The following LRRK2 variants were observed in gnomAD, a reference collection of about 807,000 sequenced individuals.
LRRK2 encodes the protein leucine-rich repeat serine/threonine-protein kinase 2.
In LRRK2, 203 loss-of-function variants were observed where a neutral mutation model predicts 302.6. The observed-to-expected ratio is 0.67, with a 90% CI of 0.60 to 0.75. The LOEUF (loss-of-function observed/expected upper bound fraction) is 0.75. Among genes scored for constraint, LRRK2 ranks in the 30% least tolerant of loss-of-function variants. LRRK2 has a pLI of 0.00. For synonymous variants in LRRK2, 1,066 were observed against 1,031.9 expected, an observed-to-expected ratio of 1.03 and a Z score of -0.63; for missense variants, 2,830 against 2,951.0, an observed-to-expected ratio of 0.96 and a Z score of 0.95.
chr12:40,322,566 G>A (rs1945436295), intron 37 of LRRK2, 56 bp downstream of exon 37: 3 of 1,471,774 alleles, frequency 2.0e-6, no homozygotes, highest in South Asian at 2.3e-5. Context: ...TACTTATGAA[G>A]TGACTTTTAA....
intron 27 of LRRK2, chr12:40,304,995 A>C (rs1322351228): frequency 2.0e-5 from 3 of 152,122 alleles, no homozygotes; most frequent in Non-Finnish European, 4.4e-5. Context: ...ACTGGCCTGT[A>C]TACTGTATTA....
At chr12:40,296,964 C>T (rs75468118) in intron 23 of LRRK2, among the ~76,000 whole-genome samples, 3,105 of 152,216 alleles carry the variant, frequency 0.02, 112 homozygotes, top group African/African-American at 0.069. Context: ...GCCAACCTAC[C>T]CACCTAGCCT....
intron 25 of LRRK2, 132 bp from the exon 26 acceptor site, chr12:40,302,657 T>C (rs1944673624): frequency 1.4e-6 from 1 of 704,058 alleles, no homozygotes; most frequent in African/African-American, 1.8e-5. Flanking sequence ...TAAAAGTGGA[T>C]TTTTAAAAAT....
chr12:40,261,014 A>G lies in LRRK2; in HGVS notation c.1543+1410A>G, dbSNP rs76140903. Among the ~76,000 whole-genome samples, 402 of 152,220 alleles carry G rather than the reference A, an allele frequency of 2.6e-3. 10 individuals are homozygous for G. The East Asian group carries it at 0.048, about 18-fold the overall frequency. On this transcript the variant is annotated intron_variant, in intron 13 of 50. Coordinates refer to ENST00000298910, the MANE Select transcript of LRRK2 (RefSeq NM_198578.4). ...ACTCAATATAAAAGTTTTTTCAAGGACAGAGCTTTCTTCAGTCATTTTTTT... is the reference window on the plus strand; with the variant it reads ...ACTCAATATAAAAGTTTTTTCAAGGGCAGAGCTTTCTTCAGTCATTTTTTT...
At chr12:40,340,086 G>T (rs1256598710) in intron 40 of LRRK2, among the ~76,000 whole-genome samples, 2 of 152,102 alleles carry the variant, frequency 1.3e-5, no homozygotes, top group African/African-American at 2.4e-5. Flanking sequence ...TATCAGATTT[G>T]ACCCTTTTTT....
At chr12:40,344,004 A>G (rs1383544689) in intron 41 of LRRK2, among the ~76,000 whole-genome samples, 6 of 152,214 alleles carry the variant, frequency 3.9e-5, no homozygotes, top group Non-Finnish European at 7.3e-5. Context: ...GAAAAGGAGA[A>G]GATTAGAAGT....
At chr12:40,291,905 A>G (rs980178662) in intron 20 of LRRK2, among the ~76,000 whole-genome samples, 2 of 152,112 alleles carry the variant, frequency 1.3e-5, no homozygotes, top group African/African-American at 2.4e-5. Flanking sequence ...ATTAAGGACT[A>G]TATAACAAAG....
chr12:40,330,400 T>C (rs1356329784), intron 39 of LRRK2, among the ~76,000 whole-genome samples: 1 of 152,164 alleles, frequency 6.6e-6, no homozygotes, highest in African/African-American at 2.4e-5. Context: ...GTCAGTCAGA[T>C]GTTTGCTCCT....
At chr12:40,350,803 G>GT (rs1158395048) in intron 43 of LRRK2, among the ~76,000 whole-genome samples, 2 of 151,596 alleles carry the variant, frequency 1.3e-5, no homozygotes, top group South Asian at 2.1e-4. Context: ...TTTCTTTCTT[G>GT]TTTTTTCATT....
In LRRK2 at chr12:40,350,980, G is replaced by A. The variant is rs139665605; in HGVS notation, c.6382-559G>A. Among the ~76,000 whole-genome samples, 888 of 152,208 alleles carry A rather than the reference G, an allele frequency of 5.8e-3. 9 individuals are homozygous for A. Among genetic ancestry groups the A allele is most frequent in the African/African-American group, 0.018 (757 of 41,518 alleles). ...GAAATGAGGCACAGACAGAGTAATG[G>A]GCTTTCTTGGTGTCTCCTGAGTGGC... On this transcript the variant is annotated intron_variant, in intron 43 of 50. Coordinates refer to ENST00000298910, the MANE Select transcript of LRRK2 (RefSeq NM_198578.4).
chr12:40,242,446 T>G (rs1296299666), intron 6 of LRRK2, among the ~76,000 whole-genome samples: 1 of 152,052 alleles, frequency 6.6e-6, no homozygotes, highest in Non-Finnish European at 1.5e-5. Flanking sequence ...TGGTAGAGTC[T>G]TTCTTTCCTT....
intron 37 of LRRK2, 150 bp downstream of exon 37, chr12:40,322,660 A>G (rs1945438934): frequency 1.4e-6 from 1 of 697,160 alleles, no homozygotes; most frequent in African/African-American, 1.8e-5. Flanking sequence ...ACTGAATTAT[A>G]TTTATTACCA....
chr12:40,271,347 T>C (rs978158184), intron 14 of LRRK2, among the ~76,000 whole-genome samples: 2 of 152,188 alleles, frequency 1.3e-5, no homozygotes, highest in African/African-American at 4.8e-5. Context: ...TCTGTTTTCC[T>C]TTCTTTGGCT....
chr12:40,367,521 T>A, intron 50 of LRRK2, 123 bp from the exon 51 acceptor site: 1 of 833,572 alleles, frequency 1.2e-6, no homozygotes, highest in South Asian at 2.2e-5. Flanking sequence ...GTACATTAGT[T>A]ATAGCTGTGT....
intron 38 of LRRK2, among the ~76,000 whole-genome samples, chr12:40,325,316 G>T (rs191395541): frequency 6.6e-6 from 1 of 152,020 alleles, no homozygotes; most frequent in Non-Finnish European, 1.5e-5. Flanking sequence ...AGCAAAGTCT[G>T]TTTAGCTACC....
chr12:40,264,791 A>G (rs891149521), intron 14 of LRRK2, among the ~76,000 whole-genome samples: 2 of 152,230 alleles, frequency 1.3e-5, no homozygotes, highest in African/African-American at 4.8e-5. Flanking sequence ...GTATCCATAA[A>G]TCATACTGAG....
chr12:40,351,622 G>T lies in LRRK2; in HGVS notation c.6465G>T (p.Met2155Ile), dbSNP rs974632242. ...CTAAAAACGTAATTGTTGAATGCAT[G>T]GTTGCTACACATCACAACAGCAGGA... Reference protein sequence around the residue: ...LLPKNVIVECMVATHHNSRNA... With the variant: ...LLPKNVIVECIVATHHNSRNA... Residue 2155 changes from methionine (M) to isoleucine (I), a missense_variant, in exon 44 of 51, where the codon ATG (methionine) becomes ATT (isoleucine). By Grantham distance (10) the Met-to-Ile change is conservative. This residue lies in a region of LRRK2 where 456 missense variants were observed against 456.3 expected (regional missense o/e 1.00). Transcript: ENST00000298910. The T allele has an allele frequency of 1.9e-6, 3 of 1,614,044 alleles. No homozygotes were observed. In the African/African-American group the frequency reaches 4.0e-5, roughly 22 times the overall value.
intron 4 of LRRK2, among the ~76,000 whole-genome samples, chr12:40,237,647 T>G (rs1195957278): frequency 6.6e-6 from 1 of 152,158 alleles, no homozygotes; most frequent in African/African-American, 2.4e-5. Context: ...CTGTGGAATA[T>G]TCAGATGTTG....
At chr12:40,243,871 T>C (rs1264632274) in intron 7 of LRRK2, among the ~76,000 whole-genome samples, 190 bp downstream of exon 7, 6 of 152,120 alleles carry the variant, frequency 3.9e-5, no homozygotes, top group South Asian at 2.1e-4. Flanking sequence ...TCTGCTGTGC[T>C]TAGATGGACT....
Sources: gnomAD v4.1 joint callset for allele counts (sites outside exome capture counted in the v4.1 genomes callset) on GRCh38, gnomAD v4.1.1 for gene constraint, gnomAD v4.1.1 regional missense constraint, MANE v1.5 for transcripts, NCBI Gene and HGNC (gene_info 2026-07-23, HGNC 2026-07-21) for gene names.